The following CNTNAP4 variants were observed in gnomAD, a reference collection of about 807,000 sequenced individuals.
CNTNAP4 encodes contactin-associated protein-like 4.
In CNTNAP4, 98 loss-of-function variants were observed where a neutral mutation model predicts 148.4. That is an observed-to-expected ratio of 0.66 (90% CI 0.56 to 0.78). The LOEUF is 0.78. CNTNAP4 is among the 30% of genes least tolerant of loss of function. The probability of loss-of-function intolerance (pLI) is 0.00; values close to 1 mark genes in which losing one functional copy is unlikely to be tolerated. For synonymous variants in CNTNAP4, 730 were observed against 565.1 expected, an observed-to-expected ratio of 1.29 and a Z score of -4.14; for missense variants, 1,935 against 1,565.6, an observed-to-expected ratio of 1.24 and a Z score of -3.98.
chr16:76,277,656 T>C lies in CNTNAP4; in HGVS notation c.-7T>C. ...AGATCTTTTGGGGGAGCCCAATAAA[T>C]GTGAACATGGGATCTGTCACGGGAG... On this transcript the variant is annotated 5_prime_UTR_variant, in exon 1 of 24. An upstream start codon of the reference 5' UTR is lost. Transcript: ENST00000611870. 9 of 1,594,952 alleles carry C rather than the reference T, an allele frequency of 5.6e-6. No individual in the cohort carries two copies. The highest frequency in any genetic ancestry group is 7.7e-6 in the Non-Finnish European group (9 of 1,168,782).
intron 13 of CNTNAP4, among the ~76,000 whole-genome samples, 191 bp from the exon 14 acceptor site, chr16:76,494,719 C>CT (rs1479199795): frequency 1.3e-5 from 2 of 152,102 alleles, no homozygotes; most frequent in Admixed American, 1.3e-4. Flanking sequence ...TAAATAATAA[C>CT]TTTTTTATAA....
chr16:76,517,301 C>G (rs779156173), intron 15 of CNTNAP4, among the ~76,000 whole-genome samples: 3 of 152,142 alleles, frequency 2.0e-5, no homozygotes, highest in Non-Finnish European at 2.9e-5. Flanking sequence ...GTCAGTGTCA[C>G]TATCCTGGTT....
chr16:76,557,329 TGTTA>T (rs1379748256), intron 23 of CNTNAP4: 19 of 152,216 alleles, frequency 1.2e-4, no homozygotes, highest in Non-Finnish European at 4.4e-5. Flanking sequence ...ATAGTTTGTC[TGTTA>T]GTCATTCTTT....
rs534244663 is a variant in CNTNAP4 at position 76,296,051 on chromosome 16, G to A, written c.85+18304G>A. ...CTCTCTTCCTAAACTTCTCTACAAA[G>A]GATCGTATTTAAAAGCTTTTTTGAG... On this transcript the variant is annotated intron_variant, in intron 1 of 23. Transcript: ENST00000611870. 4.3e-4 allele frequency among the ~76,000 whole-genome samples: 66 copies of A among 152,210 alleles called. 1 individual carries two copies. The South Asian group carries it at 0.012, about 27-fold the overall frequency.
chr16:76,413,114 C>G (rs1419186528), intron 3 of CNTNAP4, among the ~76,000 whole-genome samples: 1 of 151,256 alleles, frequency 6.6e-6, no homozygotes, highest in South Asian at 2.1e-4. Context: ...ACAAACAATC[C>G]GAGTATACTT....
intron 3 of CNTNAP4, among the ~76,000 whole-genome samples, chr16:76,394,389 T>A (rs1024316854): frequency 6.6e-6 from 1 of 152,218 alleles, no homozygotes; most frequent in Non-Finnish European, 1.5e-5. Flanking sequence ...AAAGCAAATA[T>A]GTCCTCTAAA....
At chr16:76,508,727 A>G (rs1177734645) in intron 15 of CNTNAP4, among the ~76,000 whole-genome samples, 1 of 91,880 alleles carries the variant, frequency 1.1e-5, no homozygotes, top group African/African-American at 2.6e-5. Context: ...TTAAATATTA[A>G]TGACTGACTT....
intron 15 of CNTNAP4, among the ~76,000 whole-genome samples, chr16:76,511,938 G>A (rs2083043596): frequency 6.6e-6 from 1 of 151,994 alleles, no homozygotes; most frequent in African/African-American, 2.4e-5. Context: ...GGCAGGAGTG[G>A]GGTAATTTTA....
At position 76,479,404 on chromosome 16, in the gene CNTNAP4, T is replaced by A. The variant is rs1259839867; in HGVS notation, c.1763-15T>A. The A allele has an allele frequency of 7.7e-6, 12 of 1,562,480 alleles. No individual in the cohort carries two copies. The highest frequency in any genetic ancestry group is 1.0e-5 in the Non-Finnish European group (12 of 1,154,966). On this transcript the variant is annotated splice_polypyrimidine_tract_variant and intron_variant, in intron 11 of 23. Coordinates refer to ENST00000611870, the MANE Select transcript of CNTNAP4 (RefSeq NM_033401.5). Reference sequence around the variant, plus strand: ...TTTCATGCTATTCCATTAATGATGATTTTTTTTCTTAAAGCTATCTATGAG... The same window carrying A: ...TTTCATGCTATTCCATTAATGATGAATTTTTTTCTTAAAGCTATCTATGAG...
chr16:76,383,692 A>G (rs971209183), intron 3 of CNTNAP4, among the ~76,000 whole-genome samples: 4 of 152,214 alleles, frequency 2.6e-5, no homozygotes, highest in African/African-American at 9.6e-5. Context: ...AGATGTGACA[A>G]TTGTGTTTTT....
chr16:76,411,126 T>A (rs4363878), intron 3 of CNTNAP4, among the ~76,000 whole-genome samples: 52,876 of 151,156 alleles, frequency 0.35, 10,893 homozygotes, highest in Non-Finnish European at 0.44. Context: ...CTGAACTCTA[T>A]GAAACAGTAA....
intron 1 of CNTNAP4, among the ~76,000 whole-genome samples, chr16:76,289,246 T>G (rs1959014050): frequency 6.6e-6 from 1 of 152,148 alleles, no homozygotes; most frequent in African/African-American, 2.4e-5. Flanking sequence ...ACGTGCCCGA[T>G]CATCTCTAGC....
intron 2 of CNTNAP4, among the ~76,000 whole-genome samples, chr16:76,347,559 T>C (rs1389379075): frequency 2.0e-5 from 3 of 152,024 alleles, no homozygotes; most frequent in Non-Finnish European, 2.9e-5. Context: ...GGAAGACAAA[T>C]GGGAGTAGGA....
At chr16:76,347,093 T>A (rs1964965048) in intron 2 of CNTNAP4, among the ~76,000 whole-genome samples, 1 of 152,020 alleles carries the variant, frequency 6.6e-6, no homozygotes, top group Non-Finnish European at 1.5e-5. Flanking sequence ...ATCTTTGAAA[T>A]GTAGTTTACA....
At chr16:76,555,294 A>T (rs1330914518) in intron 23 of CNTNAP4, among the ~76,000 whole-genome samples, 1 of 152,188 alleles carries the variant, frequency 6.6e-6, no homozygotes, top group Non-Finnish European at 1.5e-5. Context: ...CAAGTTAATG[A>T]TGTACAAATT....
At chr16:76,445,051 C>T (rs1506834) in intron 4 of CNTNAP4, among the ~76,000 whole-genome samples, 91,321 of 151,992 alleles carry the variant, frequency 0.6, 27,968 homozygotes, top group East Asian at 0.79. Context: ...AGAGCTCTCT[C>T]TTATGACAGT....
chr16:76,343,256 C>G (rs1425592914), intron 2 of CNTNAP4, among the ~76,000 whole-genome samples: 1 of 152,044 alleles, frequency 6.6e-6, no homozygotes, highest in African/African-American at 2.4e-5. Flanking sequence ...GATGAAAGGC[C>G]TCATTGGTTT....
chr16:76,431,441 A>C (rs779003863), intron 4 of CNTNAP4, among the ~76,000 whole-genome samples: 1 of 152,056 alleles, frequency 6.6e-6, no homozygotes, highest in Non-Finnish European at 1.5e-5. Context: ...GGACTTTGGA[A>C]GGTGGAGGTG....
At chr16:76,450,089 TTGA>T (rs1393310135) in intron 7 of CNTNAP4, among the ~76,000 whole-genome samples, 3 of 152,288 alleles carry the variant, frequency 2.0e-5, no homozygotes, top group Admixed American at 6.5e-5. Flanking sequence ...GTTTTTATGG[TTGA>T]TATTTTAATT....
Sources: gnomAD v4.1 joint callset for allele counts (sites outside exome capture counted in the v4.1 genomes callset) on GRCh38, gnomAD v4.1.1 for gene constraint, MANE v1.5 for transcripts, NCBI Gene and HGNC (gene_info 2026-07-23, HGNC 2026-07-21) for gene names.